The following GRAMD1C variants were observed in gnomAD, a reference collection of about 807,000 sequenced individuals.
GRAMD1C encodes the protein GRAM domain containing 1C, also known as protein Aster-C.
In GRAMD1C, 89 loss-of-function variants were observed where a neutral mutation model predicts 97.8. The ratio of observed to expected loss-of-function variants is 0.91; its 90% CI spans 0.77 to 1.09. The LOEUF is 1.09. Ranked by LOEUF, GRAMD1C falls within the 50% of genes least tolerant of loss-of-function variation. The pLI is 0.00. For synonymous variants in GRAMD1C, 256 were observed against 267.0 expected (o/e 0.96, Z 0.40); for missense variants, 740 against 766.4 (o/e 0.97, Z 0.41).
chr3:113,829,355 G>A (rs1478690370), intron 1 of GRAMD1C, among the ~76,000 whole-genome samples: 1 of 152,178 alleles, frequency 6.6e-6, no homozygotes, highest in African/African-American at 2.4e-5. Flanking sequence ...GGCTGAGGTG[G>A]ATCACTTGAG....
At chr3:113,910,033 C>A (rs913567824) in intron 9 of GRAMD1C, among the ~76,000 whole-genome samples, 1 of 152,074 alleles carries the variant, frequency 6.6e-6, no homozygotes, top group African/African-American at 2.4e-5. Context: ...GAGGAACATT[C>A]TATATTTGAA....
At chr3:113,890,780 A>T (rs1935694903) in intron 6 of GRAMD1C, 3 of 696,966 alleles carry the variant, frequency 4.3e-6, no homozygotes, top group Non-Finnish European at 7.8e-6. Flanking sequence ...ATATGTCCTT[A>T]TAAAAACAAA....
intron 17 of GRAMD1C, among the ~76,000 whole-genome samples, chr3:113,944,226 A>C (rs1937953903): frequency 6.6e-6 from 1 of 152,188 alleles, no homozygotes; most frequent in South Asian, 2.1e-4. Flanking sequence ...GGCAGAAGGG[A>C]CTGAAGGACA....
intron 2 of GRAMD1C, among the ~76,000 whole-genome samples, chr3:113,866,444 G>A (rs570355287): frequency 2.0e-5 from 3 of 152,112 alleles, no homozygotes; most frequent in African/African-American, 7.2e-5. Context: ...ACTAAGGTGT[G>A]TGTCTCTTGT....
intron 7 of GRAMD1C, among the ~76,000 whole-genome samples, chr3:113,901,745 A>G (rs922674062): frequency 6.6e-6 from 1 of 152,238 alleles, no homozygotes; most frequent in African/African-American, 2.4e-5. Context: ...ATTAACCTCT[A>G]CAAGTAAAAG....
intron 10 of GRAMD1C, among the ~76,000 whole-genome samples, chr3:113,923,614 A>G (rs1027228394): frequency 6.6e-6 from 1 of 152,216 alleles, no homozygotes; most frequent in Non-Finnish European, 1.5e-5. Context: ...TCCAGGGATA[A>G]AGCCTACTTT....
At chr3:113,861,510 C>T (rs368786574) in intron 2 of GRAMD1C, among the ~76,000 whole-genome samples, 4 of 152,100 alleles carry the variant, frequency 2.6e-5, no homozygotes, top group African/African-American at 9.6e-5. Flanking sequence ...AGTGAGACCC[C>T]ATTTCTGAAA....
chr3:113,876,290 C>A, intron 5 of GRAMD1C, 30 bp downstream of exon 5: 1 of 1,177,680 alleles, frequency 8.5e-7, no homozygotes, highest in Non-Finnish European at 1.3e-6. Flanking sequence ...TGTTATATTA[C>A]ATAATGTGAA....
chr3:113,929,994 T>G (rs1937352190), intron 10 of GRAMD1C, among the ~76,000 whole-genome samples: 1 of 152,178 alleles, frequency 6.6e-6, no homozygotes. Flanking sequence ...TTTAATGCTT[T>G]TATTTATACT....
At chr3:113,925,410 A>C (rs111290478) in intron 10 of GRAMD1C, among the ~76,000 whole-genome samples, 4,344 of 152,160 alleles carry the variant, frequency 0.029, 210 homozygotes, top group African/African-American at 0.099. Flanking sequence ...AATTGCTTGA[A>C]CCCAGGAGCT....
chr3:113,875,960 T>C, intron 4 of GRAMD1C: 1 of 475,068 alleles, frequency 2.1e-6, no homozygotes, highest in Non-Finnish European at 3.7e-6. Context: ...GAGGAGTTGT[T>C]GGGGGAGAAT....
intron 12 of GRAMD1C, 38 bp from the exon 13 acceptor site, chr3:113,934,394 C>T: frequency 5.4e-6 from 5 of 922,854 alleles, no homozygotes; most frequent in Non-Finnish European, 8.7e-6. Flanking sequence ...CTAAAGTCTG[C>T]TCTTTAAATA....
rs771572298 is a variant in GRAMD1C at position 113,945,438 on chromosome 3, T to C, written c.1949T>C (p.Leu650Pro). The change falls in exon 18 of 18, where the codon CTA becomes CCA. Residue 650 changes from leucine (L) to proline (P), a missense_variant. Leu to Pro is a moderately conservative substitution (Grantham distance 98, BLOSUM62 -3). Coordinates refer to ENST00000358160, the MANE Select transcript of GRAMD1C (RefSeq NM_017577.5). ...ATTATGCTTCAGAAAACGTTTGATC[T>C]ACTAAATAAGAATAAGACTGGCATG... is the stretch of plus-strand genomic sequence containing the variant. ...SLIMLQKTFDLLNKNKTGMAV... is the reference protein window; with the variant it reads ...SLIMLQKTFDPLNKNKTGMAV... The C allele has an allele frequency of 5.6e-6, 9 of 1,600,342 alleles. No individual in the cohort carries two copies. Among genetic ancestry groups the C allele is most frequent in the Admixed American group, 3.3e-5 (2 of 59,798 alleles).
intron 6 of GRAMD1C, among the ~76,000 whole-genome samples, chr3:113,883,524 CA>C (rs1374405481): frequency 0.021 from 1,431 of 69,732 alleles, 20 homozygotes; most frequent in African/African-American, 0.058. Context: ...GATCCTGTTT[CA>C]AAAAAAAAAA....
At chr3:113,928,205 A>C (rs1188755015) in intron 10 of GRAMD1C, among the ~76,000 whole-genome samples, 2 of 152,090 alleles carry the variant, frequency 1.3e-5, no homozygotes, top group Non-Finnish European at 2.9e-5. Context: ...GGATTCTGAC[A>C]TGGTTTCTTA....
chr3:113,888,288 A>T (rs1283087523), intron 6 of GRAMD1C, among the ~76,000 whole-genome samples: 1 of 152,232 alleles, frequency 6.6e-6, no homozygotes, highest in Admixed American at 6.5e-5. Context: ...AGTAGAATTT[A>T]TACAAGTTGA....
intron 1 of GRAMD1C, among the ~76,000 whole-genome samples, chr3:113,842,185 G>C (rs1249228592): frequency 6.6e-6 from 1 of 152,152 alleles, no homozygotes; most frequent in Non-Finnish European, 1.5e-5. Flanking sequence ...CCTATTTGTT[G>C]TCTATTTTAT....
rs957192290 is a variant in GRAMD1C at position 113,946,080 on chromosome 3, T to A, written c.*602T>A. On this transcript the variant is annotated 3_prime_UTR_variant, in exon 18 of 18. Transcript: ENST00000358160. ...AGAAAGGGTCTTCTGCCATGCTGTATCTTTATGAAAGAAATAGTTGTTTTT... is the reference window on the plus strand; with the variant it reads ...AGAAAGGGTCTTCTGCCATGCTGTAACTTTATGAAAGAAATAGTTGTTTTT... The A allele has an allele frequency of 2.0e-5, 3 of 152,516 alleles. No homozygotes were observed. Among genetic ancestry groups the A allele is most frequent in the Non-Finnish European group, 2.9e-5 (2 of 68,034 alleles). 9.4% of individuals were successfully genotyped at this position (152,516 alleles called of 1,614,324 possible). A position where few individuals can be genotyped will look rare whatever the true frequency, so the allele number is the denominator to read the frequency against.
intron 6 of GRAMD1C, chr3:113,885,158 C>T (rs1198529601): frequency 4.9e-6 from 3 of 606,920 alleles, no homozygotes; most frequent in South Asian, 2.0e-5. Context: ...TTCTGAGCCG[C>T]CCGCTCCGTG....
Sources: allele counts gnomAD v4.1 joint callset (sites outside exome capture counted in the v4.1 genomes callset), GRCh38; gene constraint gnomAD v4.1.1; transcripts MANE v1.5; gene names NCBI Gene and HGNC (gene_info 2026-07-23, HGNC 2026-07-21).